The following NRXN1 variants were observed in gnomAD, a reference collection of about 807,000 sequenced individuals.
NRXN1 encodes the protein neurexin 1.
NRXN1 carries 39 observed loss-of-function variants against 150.9 expected under a neutral mutation model. The ratio of observed to expected loss-of-function variants is 0.26; its 90% CI spans 0.20 to 0.34. NRXN1 has a LOEUF of 0.34. Ranked by LOEUF, NRXN1 falls within the 10% of genes least tolerant of loss-of-function variation. NRXN1 has a pLI of 1.00. For synonymous variants in NRXN1, 924 were observed against 757.0 expected (o/e 1.22, Z -3.62); for missense variants, 1,815 against 1,949.9 (o/e 0.93, Z 1.30).
intron 5 of NRXN1, chr2:50,656,213 C>A: frequency 1.8e-6 from 1 of 545,730 alleles, no homozygotes; most frequent in East Asian, 2.9e-5. Flanking sequence ...CACACAAAAG[C>A]AAAGTGATCT....
chr2:50,195,181 T>C (rs2061679052), intron 18 of NRXN1, among the ~76,000 whole-genome samples: 1 of 152,194 alleles, frequency 6.6e-6, no homozygotes, highest in African/African-American at 2.4e-5. Context: ...TTATTCTGTA[T>C]TCTATAAATA....
Position 50,898,817 on chromosome 2 carries a change from G to T in NRXN1, c.832+23052C>A, listed in dbSNP as rs187146599. On this transcript the variant is annotated intron_variant, in intron 5 of 22. Transcript: ENST00000401669. ...TTAAAAGAGTAAATTATTTAGTTGG[G>T]TTTTTTTAACCAGAATAAAAGATTT... Among the ~76,000 whole-genome samples the T allele has an allele frequency of 3.7e-3, 556 of 151,764 alleles. 3 individuals carry two copies. The highest frequency in any genetic ancestry group is 0.01 in the Middle Eastern group (3 of 294).
chr2:50,844,832 G>A (rs994602550), intron 5 of NRXN1, among the ~76,000 whole-genome samples: 1 of 151,218 alleles, frequency 6.6e-6, no homozygotes, highest in African/African-American at 2.4e-5. Context: ...TCACTGCATA[G>A]TGTGGTTTAG....
At chr2:50,002,162 C>T (rs550674987) in intron 21 of NRXN1, among the ~76,000 whole-genome samples, 25 of 152,074 alleles carry the variant, frequency 1.6e-4, no homozygotes, top group African/African-American at 5.5e-4. Flanking sequence ...AACCTGTGCC[C>T]CGACTTCAGT....
At chr2:50,423,142 T>C (rs2084133203) in intron 17 of NRXN1, among the ~76,000 whole-genome samples, 1 of 152,158 alleles carries the variant, frequency 6.6e-6, no homozygotes, top group African/African-American at 2.4e-5. Context: ...TCCTTTCCTG[T>C]CTATCTTTAC....
chr2:50,064,681 A>G (rs1695095287), intron 19 of NRXN1, among the ~76,000 whole-genome samples: 1 of 152,180 alleles, frequency 6.6e-6, no homozygotes, highest in Non-Finnish European at 1.5e-5. Flanking sequence ...ATCTTTTACT[A>G]AATTGAATCT....
chr2:50,725,217 T>TA (rs1242212477), intron 5 of NRXN1, among the ~76,000 whole-genome samples: 2 of 152,072 alleles, frequency 1.3e-5, no homozygotes, highest in Non-Finnish European at 2.9e-5. Context: ...CTTTTTTTTT[T>TA]AACCTATTAA....
At chr2:50,443,490 G>C (rs554545140) in intron 17 of NRXN1, among the ~76,000 whole-genome samples, 61 of 152,272 alleles carry the variant, frequency 4.0e-4, no homozygotes, top group African/African-American at 1.4e-3. Context: ...CTGAGGGGTG[G>C]AGCACTGGTA....
chr2:51,001,176 G>C (rs971921715), intron 2 of NRXN1, among the ~76,000 whole-genome samples: 21 of 133,710 alleles, frequency 1.6e-4, no homozygotes, highest in African/African-American at 5.6e-4. Flanking sequence ...AGCTCAAATC[G>C]AGTTTACTGC....
At chr2:50,344,636 G>T (rs1457235980) in intron 17 of NRXN1, among the ~76,000 whole-genome samples, 2 of 152,130 alleles carry the variant, frequency 1.3e-5, no homozygotes, top group Non-Finnish European at 2.9e-5. Flanking sequence ...GACAATCACT[G>T]TATTCTGGAG....
intron 17 of NRXN1, among the ~76,000 whole-genome samples, chr2:50,341,659 C>G (rs1187374468): frequency 6.6e-6 from 1 of 152,130 alleles, no homozygotes; most frequent in Non-Finnish European, 1.5e-5. Flanking sequence ...TCACTGAATT[C>G]CTATCTTAAC....
At chr2:50,037,168 T>C (rs1200117777) in intron 21 of NRXN1, among the ~76,000 whole-genome samples, 1 of 152,204 alleles carries the variant, frequency 6.6e-6, no homozygotes, top group Non-Finnish European at 1.5e-5. Flanking sequence ...AAATAGGTAA[T>C]GATAACTATA....
At chr2:50,930,053 T>C (rs1042180748) in intron 2 of NRXN1, among the ~76,000 whole-genome samples, 11 of 151,990 alleles carry the variant, frequency 7.2e-5, no homozygotes, top group African/African-American at 2.4e-4. Flanking sequence ...TGGACAGGAA[T>C]TGGGCTAATT....
chr2:50,075,632 T>C (rs1291459524), intron 19 of NRXN1, among the ~76,000 whole-genome samples: 1 of 152,228 alleles, frequency 6.6e-6, no homozygotes, highest in Non-Finnish European at 1.5e-5. Flanking sequence ...GGAGTAACTA[T>C]CAATAGTGCT....
intron 12 of NRXN1, among the ~76,000 whole-genome samples, chr2:50,513,580 T>A (rs1023097201): frequency 5.9e-5 from 9 of 152,202 alleles, no homozygotes; most frequent in African/African-American, 9.6e-5. Flanking sequence ...TAAAATAAGA[T>A]GTACATGATA....
At chr2:50,463,523 T>C (rs2088472863) in intron 17 of NRXN1, among the ~76,000 whole-genome samples, 1 of 151,834 alleles carries the variant, frequency 6.6e-6, no homozygotes, top group African/African-American at 2.4e-5. Flanking sequence ...ACACATTTAT[T>C]GAATGACATT....
intron 17 of NRXN1, among the ~76,000 whole-genome samples, chr2:50,413,890 G>A (rs953944993): frequency 6.6e-6 from 1 of 152,050 alleles, no homozygotes; most frequent in Non-Finnish European, 1.5e-5. Context: ...AACACAGATG[G>A]AACTGGGCAT....
rs543474240 is a variant in NRXN1 at position 49,922,979 on chromosome 2, A to C, written c.4217-728T>G. ...TACAGTCTAGATTGATTTTTTGGTCAAAACTCTGAACTACCTAATAGATTA... is the reference window on the plus strand; with the variant it reads ...TACAGTCTAGATTGATTTTTTGGTCCAAACTCTGAACTACCTAATAGATTA... On this transcript the variant is annotated intron_variant, in intron 22 of 22. Coordinates refer to ENST00000401669, the MANE Select transcript of NRXN1 (RefSeq NM_001330078.2). Among the ~76,000 whole-genome samples the C allele has an allele frequency of 2.0e-5, 3 of 152,314 alleles. 1 individual carries two copies. The South Asian group carries it at 6.2e-4, about 32-fold the overall frequency.
rs2091416303 is a variant in NRXN1, at chr2:50,494,003, A to G, written c.3070+1902T>C. Among the ~76,000 whole-genome samples the G allele has an allele frequency of 2.0e-5, 3 of 152,134 alleles. No homozygotes were observed. The South Asian group carries it at 6.2e-4, about 32-fold the overall frequency. On this transcript the variant is annotated intron_variant, in intron 15 of 22. Transcript: ENST00000401669. ...TCACTTAATGCTTTAATAAAAATAA[A>G]CTCTGAAGTACTTAGGTGTGTAAGT...
Sources: gnomAD v4.1 joint callset for allele counts (sites outside exome capture counted in the v4.1 genomes callset) on GRCh38, gnomAD v4.1.1 for gene constraint, MANE v1.5 for transcripts, NCBI Gene and HGNC (gene_info 2026-07-23, HGNC 2026-07-21) for gene names.